The following ADGRL4 variants were observed in gnomAD, a reference collection of about 807,000 sequenced individuals.
The protein encoded by ADGRL4 is adhesion G protein-coupled receptor L4.
ADGRL4 carries 90 observed loss-of-function variants against 74.8 expected under a neutral mutation model. The ratio of observed to expected loss-of-function variants is 1.20; its 90% CI spans 1.02 to 1.43. The LOEUF is 1.43. Among genes scored for constraint, ADGRL4 ranks in the 40% most tolerant of loss-of-function variants. The pLI is 0.00. For missense variants in ADGRL4, 881 were observed against 814.3 expected, an observed-to-expected ratio of 1.08 and a Z score of -1.00; for synonymous variants, 311 against 279.2, an observed-to-expected ratio of 1.11 and a Z score of -1.14.
At chr1:78,910,219 C>T (rs899166020) in intron 12 of ADGRL4, among the ~76,000 whole-genome samples, 1 of 151,698 alleles carries the variant, frequency 6.6e-6, no homozygotes, top group African/African-American at 2.4e-5. Flanking sequence ...ATAAGAATGT[C>T]TTACATAATA....
intron 3 of ADGRL4, among the ~76,000 whole-genome samples, chr1:78,943,481 T>C (rs1649532871): frequency 6.6e-6 from 1 of 152,186 alleles, no homozygotes; most frequent in Non-Finnish European, 1.5e-5. Flanking sequence ...GTGTCGAAAA[T>C]AGTATTTGAA....
chr1:78,920,459 G>T, intron 9 of ADGRL4, 73 bp from the exon 10 acceptor site: 3 of 857,132 alleles, frequency 3.5e-6, no homozygotes, highest in Non-Finnish European at 5.3e-6. Context: ...AACATATAAT[G>T]AACTTCCTTT....
intron 2 of ADGRL4, among the ~76,000 whole-genome samples, chr1:78,953,614 A>G (rs1032381095): frequency 2.0e-5 from 3 of 152,198 alleles, no homozygotes; most frequent in Non-Finnish European, 4.4e-5. Context: ...GGATTCAGAG[A>G]GTAGATCAAT....
At position 78,937,941 on chromosome 1, in the gene ADGRL4, A is replaced by G. The variant is rs1331462558; in HGVS notation, c.626T>C (p.Val209Ala). The change falls in exon 6 of 15, where the codon GTT becomes GCT. Residue 209 changes from valine to alanine, a missense_variant. Coordinates refer to ENST00000370742, the MANE Select transcript of ADGRL4 (RefSeq NM_022159.4). ...ATGATTCACAGATAACTTGTCCCAAACTACAAATGTATCCCTTTGAACAAA... is the reference window on the plus strand; with the variant it reads ...ATGATTCACAGATAACTTGTCCCAAGCTACAAATGTATCCCTTTGAACAAA... The part of the protein sequence containing the change: ...NNFVQRDTFV[V>A]WDKLSVNHRR... 1 of 1,613,678 alleles carries G rather than the reference A, an allele frequency of 6.2e-7. No homozygotes were observed. The highest frequency in any genetic ancestry group is 1.1e-5 in the South Asian group (1 of 90,930).
At chr1:78,926,741 AATT>A (rs1478162910) in intron 8 of ADGRL4, 142 bp downstream of exon 8, 23 of 586,234 alleles carry the variant, frequency 3.9e-5, no homozygotes, top group Admixed American at 1.1e-4. Flanking sequence ...TTTATACAAA[AATT>A]AGTTAAAACT....
chr1:78,961,887 T>C (rs2100708953), intron 2 of ADGRL4, among the ~76,000 whole-genome samples: 1 of 151,882 alleles, frequency 6.6e-6, no homozygotes, highest in South Asian at 2.1e-4. Flanking sequence ...ATAATTCTTT[T>C]TTTTTTTTTT....
intron 9 of ADGRL4, among the ~76,000 whole-genome samples, chr1:78,920,604 T>A (rs952340604): frequency 1.3e-5 from 2 of 151,854 alleles, no homozygotes; most frequent in Non-Finnish European, 2.9e-5. Flanking sequence ...ACTTTAACAG[T>A]TCTGTAATTG....
chr1:78,958,587 C>A (rs1649880063), intron 2 of ADGRL4, among the ~76,000 whole-genome samples: 1 of 152,122 alleles, frequency 6.6e-6, no homozygotes, highest in Non-Finnish European at 1.5e-5. Context: ...GCTGCAATCT[C>A]ATGATATAAC....
At chr1:78,918,225 A>G (rs1648925006) in intron 10 of ADGRL4, among the ~76,000 whole-genome samples, 175 bp from the exon 11 acceptor site, 2 of 151,944 alleles carry the variant, frequency 1.3e-5, no homozygotes, top group Admixed American at 6.6e-5. Context: ...ATTTAGAAAA[A>G]CAACTGCGTT....
intron 2 of ADGRL4, among the ~76,000 whole-genome samples, chr1:78,955,917 A>G (rs1649820033): frequency 6.6e-6 from 1 of 152,156 alleles, no homozygotes; most frequent in Non-Finnish European, 1.5e-5. Context: ...TATACTTACT[A>G]AAAGTGTATG....
At chr1:78,933,241 C>T (rs1381057189) in intron 7 of ADGRL4, among the ~76,000 whole-genome samples, 1 of 151,358 alleles carries the variant, frequency 6.6e-6, no homozygotes, top group Non-Finnish European at 1.5e-5. Flanking sequence ...ACAATCAGGT[C>T]AGCTTCATCC....
Position 78,891,006 on chromosome 1 carries a change from T to G in ADGRL4, c.*148A>C, listed in dbSNP as rs1490550240. 2.6e-6 allele frequency: 2 copies of G among 777,572 alleles called. No homozygotes were observed. Among genetic ancestry groups the G allele is most frequent in the Non-Finnish European group, 4.4e-6 (2 of 449,662 alleles). The allele number at this position is 777,572 out of a possible 1,614,324, so 48.2% of individuals were successfully genotyped here. On this transcript the variant is annotated 3_prime_UTR_variant, in exon 15 of 15. Transcript: ENST00000370742. The stretch of plus-strand genomic sequence containing the variant: ...ATTTTACCTTATTATCTACAGTTCC[T>G]ATAGCATAAACAGAAAAACTGATTT...
chr1:78,895,455 T>C (rs80233609), intron 12 of ADGRL4, among the ~76,000 whole-genome samples: 1,909 of 152,080 alleles, frequency 0.013, 35 homozygotes, highest in African/African-American at 0.043. Flanking sequence ...CAAACTGTGA[T>C]AAATGCTATT....
intron 12 of ADGRL4, among the ~76,000 whole-genome samples, chr1:78,895,082 T>C (rs1648365773): frequency 6.6e-6 from 1 of 151,966 alleles, no homozygotes; most frequent in Non-Finnish European, 1.5e-5. Context: ...TTTACATACT[T>C]ATAAAACCCA....
intron 12 of ADGRL4, among the ~76,000 whole-genome samples, chr1:78,899,314 C>A (rs1648469527): frequency 6.6e-6 from 1 of 152,180 alleles, no homozygotes; most frequent in South Asian, 2.1e-4. Flanking sequence ...AGCAGCTTTT[C>A]ATTCTCAATC....
intron 10 of ADGRL4, among the ~76,000 whole-genome samples, 173 bp from the exon 11 acceptor site, chr1:78,918,223 A>G (rs1301053484): frequency 6.6e-6 from 1 of 151,964 alleles, no homozygotes; most frequent in Non-Finnish European, 1.5e-5. Flanking sequence ...AGATTTAGAA[A>G]AACAACTGCG....
In ADGRL4 at chr1:78,893,081, C is replaced by T. The variant is rs946848599; in HGVS notation, c.1841+17G>A. 1.8e-6 allele frequency: 2 copies of T among 1,126,034 alleles called. No individual in the cohort carries two copies. The highest frequency in any genetic ancestry group is 2.4e-6 in the Non-Finnish European group (2 of 821,450). The allele number at this position is 1,126,034 out of a possible 1,614,324, so 69.8% of individuals were successfully genotyped here. A position where few individuals can be genotyped will look rare whatever the true frequency, so the allele number is the denominator to read the frequency against. On this transcript the variant is annotated intron_variant, in intron 13 of 14. Coordinates refer to ENST00000370742, the MANE Select transcript of ADGRL4 (RefSeq NM_022159.4). ...ACCAAAAAAAAAAAAAAAAAGTGAA[C>T]TTAAAGACGCATTTACCTTATGTTC...
At chr1:78,892,898 A>C (rs1648313513) in intron 13 of ADGRL4, among the ~76,000 whole-genome samples, 200 bp downstream of exon 13, 1 of 151,994 alleles carries the variant, frequency 6.6e-6, no homozygotes, top group Non-Finnish European at 1.5e-5. Context: ...TGTTTGAAAA[A>C]ATTGCTTCTT....
chr1:78,910,056 G>A (rs1052593181), intron 12 of ADGRL4, among the ~76,000 whole-genome samples: 28 of 151,764 alleles, frequency 1.8e-4, no homozygotes, highest in African/African-American at 6.5e-4. Flanking sequence ...TATACACACA[G>A]CAGAGGTCTA....
Sources: allele counts gnomAD v4.1 joint callset (sites outside exome capture counted in the v4.1 genomes callset), GRCh38; gene constraint gnomAD v4.1.1; transcripts MANE v1.5; gene names NCBI Gene and HGNC (gene_info 2026-07-23, HGNC 2026-07-21).